Variants in GUCY2F observed in about 807,000 individuals in gnomAD.
The protein encoded by GUCY2F is guanylate cyclase 2F, retinal.
Under a neutral mutation model 73.1 loss-of-function variants are expected in GUCY2F, and 61 were observed. That is an observed-to-expected ratio of 0.83 (90% CI 0.68 to 1.03). The LOEUF is 1.03. Among genes scored for constraint, GUCY2F ranks in the 50% least tolerant of loss-of-function variants. GUCY2F has a pLI of 0.00. For synonymous variants in GUCY2F, 331 were observed against 307.8 expected, an observed-to-expected ratio of 1.08 and a Z score of -0.79; for missense variants, 912 against 854.3, an observed-to-expected ratio of 1.07 and a Z score of -0.84.
At chrX:109,476,493 T>C (rs972099252) in intron 1 of GUCY2F, among the ~76,000 whole-genome samples, 2 of 111,408 alleles carry the variant, frequency 1.8e-5, no homozygotes, top group African/African-American at 6.6e-5. Flanking sequence ...AAACAGATAA[T>C]AACAATGCAG....
chrX:109,436,996 A>AG (rs112203712), intron 7 of GUCY2F, among the ~76,000 whole-genome samples: 5,359 of 108,478 alleles, frequency 0.049, 305 homozygotes, highest in African/African-American at 0.16. Flanking sequence ...AATAACAGCA[A>AG]AAAAAAAAAG....
At chrX:109,377,576 T>G (rs764498477) in intron 17 of GUCY2F, among the ~76,000 whole-genome samples, 1 of 112,089 alleles carries the variant, frequency 8.9e-6, no homozygotes, top group Non-Finnish European at 1.9e-5. Context: ...TACAGACAGT[T>G]GCCCAGTAAA....
chrX:109,425,667 G>A (rs932956838), intron 8 of GUCY2F, among the ~76,000 whole-genome samples: 5 of 109,102 alleles, frequency 4.6e-5, no homozygotes, highest in Admixed American at 2.0e-4. Flanking sequence ...TGGGAGGGGG[G>A]CGAGAGATAA....
Position 109,475,544 on chromosome X carries a change from G to A in GUCY2F, c.393C>T (p.Tyr131=), listed in dbSNP as rs1219592192. 1 of 1,210,966 alleles carries A rather than the reference G, an allele frequency of 8.3e-7. No homozygotes were observed. The highest frequency in any genetic ancestry group is 1.1e-6 in the Non-Finnish European group (1 of 894,580). Residue 131 remains tyrosine (Y), a synonymous_variant, in exon 2 of 20, where the codon TAC becomes TAT. Coordinates refer to ENST00000218006, the MANE Select transcript of GUCY2F (RefSeq NM_001522.3). ...SGFIGPTNPG[Y]CEAASLLGNS... The stretch of plus-strand genomic sequence containing the variant: ...TTCCCAGGAGCGAGGCTGCCTCGCA[G>A]TAGCCAGGGTTGGTAGGTCCAATAA...
At chrX:109,430,440 G>T in intron 7 of GUCY2F, 44 bp from the exon 8 acceptor site, 2 of 720,011 alleles carry the variant, frequency 2.8e-6, no homozygotes, top group Non-Finnish European at 4.4e-6. Context: ...AAACTTAGTT[G>T]CCAGCAGTTT....
intron 10 of GUCY2F, among the ~76,000 whole-genome samples, chrX:109,399,270 C>T (rs773272893): frequency 1.8e-5 from 2 of 112,722 alleles, no homozygotes; most frequent in Non-Finnish European, 3.7e-5. Context: ...CTGTGCTAGG[C>T]ACAGAGGTGG....
intron 2 of GUCY2F, among the ~76,000 whole-genome samples, chrX:109,468,851 T>A (rs978108790): frequency 2.7e-5 from 3 of 112,121 alleles, no homozygotes; most frequent in Non-Finnish European, 3.8e-5. Flanking sequence ...CTTAATTTAA[T>A]AGATTGAGTG....
At chrX:109,460,297 G>A (rs1932336798) in intron 3 of GUCY2F, among the ~76,000 whole-genome samples, 2 of 111,702 alleles carry the variant, frequency 1.8e-5, no homozygotes, top group Non-Finnish European at 1.9e-5. Context: ...CATATCATGT[G>A]TCAAAGACTC....
intron 1 of GUCY2F, 138 bp from the exon 2 acceptor site, chrX:109,476,159 A>G: frequency 3.1e-6 from 1 of 319,949 alleles, no homozygotes; most frequent in Non-Finnish European, 5.4e-6. Flanking sequence ...TCCTGACAAA[A>G]CTCCTCCTCT....
At chrX:109,398,086 G>A (rs1178925674) in intron 11 of GUCY2F, among the ~76,000 whole-genome samples, 2 of 110,084 alleles carry the variant, frequency 1.8e-5, no homozygotes, top group Non-Finnish European at 3.8e-5. Flanking sequence ...TCCCCTCAAA[G>A]TTTTGTCTAC....
At chrX:109,396,671 C>T (rs930343259) in intron 11 of GUCY2F, among the ~76,000 whole-genome samples, 3 of 112,188 alleles carry the variant, frequency 2.7e-5, no homozygotes, top group Non-Finnish European at 3.8e-5. Flanking sequence ...TATAACACTC[C>T]AACAGTGCTG....
At chrX:109,428,801 T>G (rs1569365323) in intron 8 of GUCY2F, among the ~76,000 whole-genome samples, 1 of 112,124 alleles carries the variant, frequency 8.9e-6, no homozygotes, top group Non-Finnish European at 1.9e-5. Flanking sequence ...TGCATAAATA[T>G]ATAAATAGAT....
chrX:109,395,120 A>G (rs927911719), intron 12 of GUCY2F, among the ~76,000 whole-genome samples: 6 of 111,985 alleles, frequency 5.4e-5, no homozygotes, highest in Non-Finnish European at 7.5e-5. Context: ...TCAGACACAG[A>G]AGAACACTAG....
At chrX:109,410,254 A>G (rs1009409089) in intron 8 of GUCY2F, among the ~76,000 whole-genome samples, 3 of 112,419 alleles carry the variant, frequency 2.7e-5, no homozygotes, top group Non-Finnish European at 3.7e-5. Flanking sequence ...CTCTTTTAGC[A>G]TAATTATAAG....
chrX:109,381,816 A>G (rs771907795), intron 17 of GUCY2F, among the ~76,000 whole-genome samples: 1 of 112,878 alleles, frequency 8.9e-6, no homozygotes, highest in South Asian at 3.7e-4. Flanking sequence ...AATGTAAATA[A>G]TAGTGCAGCT....
intron 8 of GUCY2F, among the ~76,000 whole-genome samples, chrX:109,428,825 T>C (rs1004076335): frequency 8.9e-6 from 1 of 111,950 alleles, no homozygotes; most frequent in Non-Finnish European, 1.9e-5. Flanking sequence ...AAAAAGCAAC[T>C]AGGCAAAATG....
chrX:109,445,242 T>A (rs1312220782), intron 6 of GUCY2F, among the ~76,000 whole-genome samples: 1 of 112,115 alleles, frequency 8.9e-6, no homozygotes, highest in Non-Finnish European at 1.9e-5. Context: ...TTTGGTGAAA[T>A]CCAACTCTTT....
At chrX:109,444,375 C>T (rs1449295858) in intron 6 of GUCY2F, among the ~76,000 whole-genome samples, 1 of 112,348 alleles carries the variant, frequency 8.9e-6, no homozygotes, top group African/African-American at 3.2e-5. Context: ...ATTTCACATT[C>T]AGGCAGAAGA....
chrX:109,421,516 A>G (rs1218991642), intron 8 of GUCY2F, among the ~76,000 whole-genome samples: 1 of 111,872 alleles, frequency 8.9e-6, no homozygotes, highest in South Asian at 3.7e-4. Flanking sequence ...GATTACACTT[A>G]CATGAGATAT....
Sources: allele counts gnomAD v4.1 joint callset (sites outside exome capture counted in the v4.1 genomes callset), GRCh38; gene constraint gnomAD v4.1.1; transcripts MANE v1.5; gene names NCBI Gene and HGNC (gene_info 2026-07-23, HGNC 2026-07-21).